The following ROBO2 variants were observed in gnomAD, a reference collection of about 807,000 sequenced individuals.
The protein encoded by ROBO2 is roundabout guidance receptor 2, also known as roundabout homolog 2.
A neutral mutation model predicts 160.8 loss-of-function variants in ROBO2; 53 were observed. That is an observed-to-expected ratio of 0.33 (90% CI 0.26 to 0.41). The LOEUF (loss-of-function observed/expected upper bound fraction) is 0.41, where lower values mean the gene tolerates loss of function less well. ROBO2 is among the 10% of genes least tolerant of loss of function. The pLI, the probability that ROBO2 is intolerant of heterozygous loss-of-function variation, is 1.00. For missense variants in ROBO2, 1,577 were observed against 1,722.4 expected (o/e 0.92, Z 1.49); for synonymous variants, 664 against 611.7 (o/e 1.09, Z -1.26).
At chr3:77,067,252 G>A (rs2066955786) in intron 1 of ROBO2, among the ~76,000 whole-genome samples, 2 of 152,116 alleles carry the variant, frequency 1.3e-5, no homozygotes, top group South Asian at 4.1e-4. Context: ...TTTATAGTGA[G>A]TAGAATTTTA....
intron 2 of ROBO2, among the ~76,000 whole-genome samples, chr3:77,229,510 AT>A (rs1450626805): frequency 6.6e-6 from 1 of 151,774 alleles, no homozygotes; most frequent in Non-Finnish European, 1.5e-5. Flanking sequence ...TTAAAAAAAA[AT>A]ATAGCCAGGT....
chr3:77,036,416 G>A (rs2149583808), upstream of ROBO2, among the ~76,000 whole-genome samples: 1 of 152,046 alleles, frequency 6.6e-6, no homozygotes, highest in South Asian at 2.1e-4. Flanking sequence ...TTAGGGTTTT[G>A]CAGTTTTTAC....
At chr3:76,294,929 T>A (rs1319246642) in intron 2 of ROBO2, among the ~76,000 whole-genome samples, 1 of 152,134 alleles carries the variant, frequency 6.6e-6, no homozygotes, top group Non-Finnish European at 1.5e-5. Context: ...GCCCTTGGTG[T>A]CTCTTGTTTA....
At chr3:76,855,209 C>T (rs2069917493) in intron 2 of ROBO2, among the ~76,000 whole-genome samples, 1 of 152,148 alleles carries the variant, frequency 6.6e-6, no homozygotes, top group African/African-American at 2.4e-5. Flanking sequence ...AGTTTGTTAT[C>T]CTCCATTTAA....
intron 2 of ROBO2, among the ~76,000 whole-genome samples, chr3:77,312,142 C>T (rs1459450648): frequency 6.6e-6 from 1 of 152,026 alleles, no homozygotes; most frequent in African/African-American, 2.4e-5. Context: ...TTTTATCCTT[C>T]TTGAGCATAT....
intron 2 of ROBO2, chr3:77,316,632 T>A (rs1174765737): frequency 1.7e-6 from 1 of 594,588 alleles, no homozygotes; most frequent in Admixed American, 2.6e-5. Flanking sequence ...TCTTTAACCT[T>A]GAGGTCTAAC....
chr3:76,220,645 A>C (rs1018000569), intron 2 of ROBO2, among the ~76,000 whole-genome samples: 1 of 152,168 alleles, frequency 6.6e-6, no homozygotes, highest in Admixed American at 6.5e-5. Flanking sequence ...AGGAGCACAG[A>C]TGCACTAAGA....
chr3:76,773,296 T>A (rs879049647), intron 2 of ROBO2, among the ~76,000 whole-genome samples: 38 of 150,372 alleles, frequency 2.5e-4, no homozygotes, highest in African/African-American at 5.1e-4. Flanking sequence ...CTGTTTTTTT[T>A]AATGAGAAAT....
chr3:76,222,102 G>A (rs575058596), intron 2 of ROBO2, among the ~76,000 whole-genome samples: 103 of 152,240 alleles, frequency 6.8e-4, no homozygotes, highest in African/African-American at 2.4e-3. Flanking sequence ...GGAAACCTAT[G>A]TTGCTGAGTG....
In ROBO2 at chr3:76,452,780, C is replaced by T. The variant is rs577969616; in HGVS notation, c.109+515178C>T. Among the ~76,000 whole-genome samples the T allele has an allele frequency of 8.7e-3, 1,327 of 152,256 alleles. 8 individuals carry two copies. Among genetic ancestry groups the T allele is most frequent in the South Asian group, 0.015 (74 of 4,822 alleles). On this transcript the variant is annotated intron_variant, in intron 2 of 26. Transcript: ENST00000487694. Reference sequence around the variant, plus strand: ...CTTCCACAATGGTTGAACTAGTTTACAGTCCCACCAACAGTGTAAAAGTGT... The same window carrying T: ...CTTCCACAATGGTTGAACTAGTTTATAGTCCCACCAACAGTGTAAAAGTGT...
At chr3:77,389,761 A>T (rs4683976) in intron 2 of ROBO2, among the ~76,000 whole-genome samples, 77,758 of 150,516 alleles carry the variant, frequency 0.52, 21,181 homozygotes, top group East Asian at 0.95. Context: ...ACTTTTTTTT[A>T]AAAAAAAGAA....
At chr3:76,991,317 A>G (rs150374842) in intron 2 of ROBO2, among the ~76,000 whole-genome samples, 1 of 152,336 alleles carries the variant, frequency 6.6e-6, no homozygotes, top group Non-Finnish European at 1.5e-5. Flanking sequence ...CTATTGTGTA[A>G]TATGCTGTAT....
intron 2 of ROBO2, among the ~76,000 whole-genome samples, chr3:77,366,022 C>T (rs1013267189): frequency 6.6e-5 from 10 of 152,010 alleles, no homozygotes; most frequent in South Asian, 6.2e-4. Context: ...AAGCAGATAT[C>T]GCAGGAATCA....
At chr3:76,736,200 G>T (rs983890887) in intron 2 of ROBO2, among the ~76,000 whole-genome samples, 6 of 151,462 alleles carry the variant, frequency 4.0e-5, no homozygotes, top group Non-Finnish European at 5.9e-5. Flanking sequence ...GAGAATGGGG[G>T]GAACCCGGGA....
chr3:76,968,408 C>CA (rs2059412836), intron 2 of ROBO2, among the ~76,000 whole-genome samples: 1 of 152,186 alleles, frequency 6.6e-6, no homozygotes, highest in African/African-American at 2.4e-5. Context: ...GGAGCTCTCA[C>CA]AATGATCTAA....
In ROBO2 at chr3:76,830,339, C is replaced by T. The variant is rs267153; in HGVS notation, c.110-267675C>T. Among the ~76,000 whole-genome samples the T allele has an allele frequency of 7.2e-3, 1,098 of 152,296 alleles. 2 individuals carry two copies. Among genetic ancestry groups the T allele is most frequent in the Non-Finnish European group, 0.011 (766 of 68,026 alleles). On this transcript the variant is annotated intron_variant, in intron 2 of 26. Coordinates refer to the ROBO2 transcript ENST00000487694. ...TAGAAATGTCTGTTACCTCTGTTCTCTGGATTCCATTTTAACAGATATTGT... is the reference window on the plus strand; with the variant it reads ...TAGAAATGTCTGTTACCTCTGTTCTTTGGATTCCATTTTAACAGATATTGT...
intron 2 of ROBO2, among the ~76,000 whole-genome samples, chr3:76,676,318 C>T (rs2092407313): frequency 6.6e-6 from 1 of 152,228 alleles, no homozygotes; most frequent in East Asian, 1.9e-4. Flanking sequence ...TGCACTTCTC[C>T]TTCCTGGCGC....
At chr3:77,605,902 A>G (rs2094518201) in intron 20 of ROBO2, among the ~76,000 whole-genome samples, 1 of 152,168 alleles carries the variant, frequency 6.6e-6, no homozygotes, top group Non-Finnish European at 1.5e-5. Flanking sequence ...ATAAGGAATA[A>G]AGGAGGTGAA....
At chr3:77,468,713 C>G (rs976867936) in intron 2 of ROBO2, among the ~76,000 whole-genome samples, 1 of 152,202 alleles carries the variant, frequency 6.6e-6, no homozygotes, top group African/African-American at 2.4e-5. Context: ...AATGCTATGA[C>G]TTGAAAATGA....
Sources: allele counts gnomAD v4.1 joint callset (sites outside exome capture counted in the v4.1 genomes callset), GRCh38; gene constraint gnomAD v4.1.1; transcripts MANE v1.5; gene names NCBI Gene and HGNC (gene_info 2026-07-23, HGNC 2026-07-21).